THSD4: variants seen among roughly 807,000 people sequenced by gnomAD.
THSD4 encodes the protein thrombospondin type 1 domain containing 4.
A neutral mutation model predicts 119.0 loss-of-function variants in THSD4; 69 were observed. The observed-to-expected ratio is 0.58, with a 90% CI of 0.48 to 0.71. THSD4 has a LOEUF of 0.71. THSD4 is among the 30% of genes least tolerant of loss of function. The pLI is 0.00. For missense variants in THSD4, 1,393 were observed against 1,391.1 expected, an observed-to-expected ratio of 1.00 and a Z score of -0.02; for synonymous variants, 524 against 540.4, an observed-to-expected ratio of 0.97 and a Z score of 0.42.
At chr15:71,634,497 C>A (rs2140951434) in intron 7 of THSD4, among the ~76,000 whole-genome samples, 1 of 152,308 alleles carries the variant, frequency 6.6e-6, no homozygotes, top group African/African-American at 2.4e-5. Flanking sequence ...ACATCTGCGT[C>A]CCAATGCCAT....
chr15:71,367,277 A>G (rs2063828), intron 6 of THSD4, among the ~76,000 whole-genome samples: 42,134 of 151,706 alleles, frequency 0.28, 6,516 homozygotes, highest in East Asian at 0.54. Flanking sequence ...TAAACTGATT[A>G]CCACTATGCC....
intron 11 of THSD4, among the ~76,000 whole-genome samples, chr15:71,744,181 C>T (rs2053290361): frequency 7.0e-6 from 1 of 142,588 alleles, no homozygotes; most frequent in African/African-American, 2.6e-5. Flanking sequence ...TAATTGACAC[C>T]TAGACATTCC....
chr15:71,365,728 A>G lies in THSD4; in HGVS notation c.1016-45959A>G, dbSNP rs571236185. On this transcript the variant is annotated intron_variant, in intron 6 of 17. Coordinates refer to ENST00000261862, the MANE Select transcript of THSD4 (RefSeq NM_024817.3). ...AACTCATGGGATGTAGCTACAAGCA[A>G]CTTTCCTCCCTCTCTCTCTCATTGT... 5.5e-4 allele frequency among the ~76,000 whole-genome samples: 83 copies of G among 152,206 alleles called. No homozygotes were observed. In the South Asian group the frequency reaches 0.016, roughly 30 times the overall value.
Position 71,476,443 on chromosome 15 carries a change from T to C in THSD4, c.1152+64620T>C, listed in dbSNP as rs565797622. ...TTTTAGTAGAGACAGGGTTTCACCATGTTGGCCAGGCTGGTCTCGAACTCG... is the reference window on the plus strand; with the variant it reads ...TTTTAGTAGAGACAGGGTTTCACCACGTTGGCCAGGCTGGTCTCGAACTCG... On this transcript the variant is annotated intron_variant, in intron 7 of 17. Coordinates refer to ENST00000261862, the MANE Select transcript of THSD4 (RefSeq NM_024817.3). 2.0e-3 allele frequency among the ~76,000 whole-genome samples: 298 copies of C among 151,778 alleles called. 17 individuals carry two copies. The South Asian group carries it at 0.061, about 31-fold the overall frequency.
chr15:71,171,341 T>C (rs1459320711), intron 3 of THSD4, among the ~76,000 whole-genome samples: 1 of 152,204 alleles, frequency 6.6e-6, no homozygotes, highest in East Asian at 1.9e-4. Context: ...GACAGTAGAT[T>C]CTCTGCCTCC....
chr15:71,588,411 A>T (rs1451576095), intron 7 of THSD4, among the ~76,000 whole-genome samples: 1 of 151,214 alleles, frequency 6.6e-6, no homozygotes. Flanking sequence ...TTAATTTTTA[A>T]TTTTTTTTAA....
intron 7 of THSD4, among the ~76,000 whole-genome samples, chr15:71,425,069 C>CA (rs199987075): frequency 1.5e-3 from 226 of 149,482 alleles, no homozygotes; most frequent in African/African-American, 5.1e-3. Flanking sequence ...AGGTGCCTTG[C>CA]AAAAAAAAAT....
chr15:71,121,779 A>C (rs1199922517), intron 1 of THSD4, among the ~76,000 whole-genome samples: 2 of 151,998 alleles, frequency 1.3e-5, no homozygotes, highest in Non-Finnish European at 2.9e-5. Flanking sequence ...AGCTGTCTTG[A>C]GAGGAAAATC....
intron 7 of THSD4, among the ~76,000 whole-genome samples, chr15:71,617,400 T>G (rs1595792126): frequency 6.6e-6 from 1 of 152,350 alleles, no homozygotes; most frequent in East Asian, 1.9e-4. Context: ...TCTCATTGCC[T>G]TCTCTTTTTC....
Position 71,273,293 on chromosome 15 carries a change from G to A in THSD4, c.1015+16578G>A, listed in dbSNP as rs541507777. Reference sequence around the variant, plus strand: ...TGCTATGTGAAATAAGCCAGGCACAGAAAGATGAATATTAGATGATCTCAC... The same window carrying A: ...TGCTATGTGAAATAAGCCAGGCACAAAAAGATGAATATTAGATGATCTCAC... On this transcript the variant is annotated intron_variant, in intron 6 of 17. Coordinates refer to ENST00000261862, the MANE Select transcript of THSD4 (RefSeq NM_024817.3). Among the ~76,000 whole-genome samples, 15 of 152,304 alleles carry A rather than the reference G, an allele frequency of 9.8e-5. No homozygotes were observed. The South Asian group carries it at 1.9e-3, about 19-fold the overall frequency.
At chr15:71,594,829 A>G (rs2049877431) in intron 7 of THSD4, among the ~76,000 whole-genome samples, 2 of 152,224 alleles carry the variant, frequency 1.3e-5, no homozygotes, top group Admixed American at 6.5e-5. Context: ...TTAACAAAGT[A>G]TATTTTATGC....
chr15:71,568,642 C>T (rs2049289162), intron 7 of THSD4, among the ~76,000 whole-genome samples: 1 of 149,040 alleles, frequency 6.7e-6, no homozygotes, highest in Non-Finnish European at 1.5e-5. Context: ...GCACAACGTG[C>T]TAGTTTGTCA....
chr15:71,499,832 C>T (rs1234649020), intron 7 of THSD4, among the ~76,000 whole-genome samples: 2 of 152,164 alleles, frequency 1.3e-5, no homozygotes, highest in Non-Finnish European at 2.9e-5. Flanking sequence ...GATGGGATTT[C>T]GTCCTTTTTT....
chr15:71,320,906 T>C (rs2045258082), intron 6 of THSD4, among the ~76,000 whole-genome samples: 1 of 152,228 alleles, frequency 6.6e-6, no homozygotes, highest in Admixed American at 6.5e-5. Context: ...TTTAATAACA[T>C]GGTTTCATTT....
intron 6 of THSD4, among the ~76,000 whole-genome samples, chr15:71,285,853 CAAAAAAAAAAA>C (rs11421766): frequency 1.6e-3 from 105 of 67,392 alleles, no homozygotes; most frequent in African/African-American, 5.1e-3. Context: ...GACTCCGTCT[CAAAAAAAAAAA>C]AAAAAAAAAA....
At chr15:71,477,710 C>T (rs554888508) in intron 7 of THSD4, among the ~76,000 whole-genome samples, 4 of 152,132 alleles carry the variant, frequency 2.6e-5, no homozygotes, top group African/African-American at 9.7e-5. Context: ...CCAGTCTTCA[C>T]CACCAGTGCA....
At chr15:71,415,505 A>G (rs1447452025) in intron 7 of THSD4, among the ~76,000 whole-genome samples, 1 of 152,252 alleles carries the variant, frequency 6.6e-6, no homozygotes, top group African/African-American at 2.4e-5. Context: ...TGGGGTATCC[A>G]TCCCCTCAAG....
intron 6 of THSD4, among the ~76,000 whole-genome samples, chr15:71,388,914 G>A (rs1020572756): frequency 3.9e-5 from 6 of 152,144 alleles, no homozygotes; most frequent in African/African-American, 1.2e-4. Flanking sequence ...ATTGAGTCAT[G>A]GGGGTGGTTC....
At chr15:71,593,085 G>A (rs1289517246) in intron 7 of THSD4, among the ~76,000 whole-genome samples, 2 of 152,148 alleles carry the variant, frequency 1.3e-5, no homozygotes, top group Non-Finnish European at 2.9e-5. Context: ...AGTGAGCAGA[G>A]GTTTCTATCC....
Sources: gnomAD v4.1 joint callset for allele counts (sites outside exome capture counted in the v4.1 genomes callset) on GRCh38, gnomAD v4.1.1 for gene constraint, MANE v1.5 for transcripts, NCBI Gene and HGNC (gene_info 2026-07-23, HGNC 2026-07-21) for gene names.